The following FBXL17 variants were observed in gnomAD, a reference collection of about 807,000 sequenced individuals.
The protein encoded by FBXL17 is F-box/LRR-repeat protein 17.
Under a neutral mutation model 66.2 loss-of-function variants are expected in FBXL17, and 22 were observed. The observed-to-expected ratio is 0.33, with a 90% CI of 0.24 to 0.47. FBXL17 has a LOEUF of 0.47. FBXL17 is among the 20% of genes least tolerant of loss of function. The pLI, the probability that FBXL17 is intolerant of heterozygous loss-of-function variation, is 1.00. For missense variants in FBXL17, 878 were observed against 948.2 expected, an observed-to-expected ratio of 0.93 and a Z score of 0.97; for synonymous variants, 474 against 400.5, an observed-to-expected ratio of 1.18 and a Z score of -2.19.
Position 107,878,925 on chromosome 5 carries a change from G to A in FBXL17, c.1965+2112C>T, listed in dbSNP as rs961634861. The A allele has an allele frequency of 8.2e-5, 81 of 985,478 alleles. No individual in the cohort carries two copies. The African/African-American group carries it at 1.4e-3, about 17-fold the overall frequency. 61.0% of individuals were successfully genotyped at this position (985,478 alleles called of 1,614,324 possible). ...TCGTGCTGGAGCCAATGGGTTCTCAGAGTGGCTCTCTGGTTAGAGAAAGGA... is the reference window on the plus strand; with the variant it reads ...TCGTGCTGGAGCCAATGGGTTCTCAAAGTGGCTCTCTGGTTAGAGAAAGGA... On this transcript the variant is annotated intron_variant, in intron 8 of 8. Transcript: ENST00000542267.
At chr5:108,302,086 C>CCAAT (rs896897463) in intron 4 of FBXL17, 2 of 947,724 alleles carry the variant, frequency 2.1e-6, no homozygotes, top group Non-Finnish European at 2.5e-6. Flanking sequence ...CAAATGTGGA[C>CCAAT]CAATCAATAA....
intron 7 of FBXL17, among the ~76,000 whole-genome samples, chr5:107,901,146 TA>T (rs1309714589): frequency 6.6e-6 from 1 of 152,208 alleles, no homozygotes; most frequent in Non-Finnish European, 1.5e-5. Context: ...TAAATTTTCT[TA>T]ACCTGGATAA....
chr5:108,046,054 C>T (rs1375017884), intron 6 of FBXL17, among the ~76,000 whole-genome samples: 1 of 152,138 alleles, frequency 6.6e-6, no homozygotes, highest in Admixed American at 6.5e-5. Context: ...GAGAGGAGTG[C>T]TGATGTCTCC....
At chr5:108,104,310 T>C (rs1427101933) in intron 6 of FBXL17, among the ~76,000 whole-genome samples, 1 of 152,238 alleles carries the variant, frequency 6.6e-6, no homozygotes, top group African/African-American at 2.4e-5. Context: ...GTGCTGGGAT[T>C]ACAGGCATGA....
At chr5:108,238,256 G>C (rs768819474) in intron 4 of FBXL17, among the ~76,000 whole-genome samples, 6 of 152,086 alleles carry the variant, frequency 3.9e-5, no homozygotes, top group Non-Finnish European at 8.8e-5. Context: ...TTCATATCTA[G>C]TAAATTTTTA....
chr5:108,381,139 A>T lies in FBXL17; in HGVS notation c.553T>A (p.Ser185Thr). The stretch of plus-strand genomic sequence containing the variant: ...GGGGGCGTAGGGAGCTCGGCCGGTG[A>T]CGGTGTCGGCCCCCGGAAGAGCTGC... ...AVQLFRGPTP[S>T]PAELPTPPEM... The change falls in exon 1 of 9, where the codon TCA (serine) becomes ACA (threonine). Residue 185 changes from serine (S) to threonine (T), a missense_variant. Ser to Thr is a moderately conservative substitution (Grantham distance 58). Around this residue, in one of 4 missense-constraint regions of FBXL17, gnomAD observed 605 missense variants for 509.5 expected, o/e 1.19. Transcript: ENST00000542267. The T allele has an allele frequency of 7.2e-7, 1 of 1,383,298 alleles. No individual in the cohort carries two copies. The highest frequency in any genetic ancestry group is 2.0e-4 in the Middle Eastern group (1 of 4,898). The allele number at this position is 1,383,298 out of a possible 1,614,324, so 85.7% of individuals were successfully genotyped here.
intron 7 of FBXL17, among the ~76,000 whole-genome samples, chr5:107,983,187 G>A (rs770143226): frequency 2.0e-5 from 3 of 152,030 alleles, no homozygotes; most frequent in Non-Finnish European, 4.4e-5. Flanking sequence ...AAACCTGACT[G>A]CCCAGTGTCT....
chr5:108,290,090 C>T (rs1580753468), intron 4 of FBXL17, among the ~76,000 whole-genome samples: 1 of 152,150 alleles, frequency 6.6e-6, no homozygotes, highest in East Asian at 1.9e-4. Flanking sequence ...TCTTAAGACA[C>T]ATTTTCATGT....
intron 6 of FBXL17, among the ~76,000 whole-genome samples, chr5:108,086,690 CTG>C (rs1748984112): frequency 6.6e-6 from 1 of 152,114 alleles, no homozygotes; most frequent in African/African-American, 2.4e-5. Context: ...TTCCAAGAAG[CTG>C]TGATTACAGG....
At chr5:108,361,726 C>A (rs1193199854) in intron 3 of FBXL17, among the ~76,000 whole-genome samples, 6 of 152,140 alleles carry the variant, frequency 3.9e-5, no homozygotes. Flanking sequence ...TGTGTTCAAT[C>A]AATGCCCACT....
intron 6 of FBXL17, among the ~76,000 whole-genome samples, chr5:108,123,770 C>A (rs950603605): frequency 6.6e-6 from 1 of 152,102 alleles, no homozygotes. Context: ...AATATGAGAT[C>A]TCCTAGATTC....
intron 6 of FBXL17, among the ~76,000 whole-genome samples, chr5:108,115,113 G>C (rs1307716977): frequency 6.6e-6 from 1 of 152,102 alleles, no homozygotes; most frequent in African/African-American, 2.4e-5. Context: ...TGATTATTAG[G>C]AAATATAGGA....
At chr5:108,091,012 G>A (rs894043750) in intron 6 of FBXL17, among the ~76,000 whole-genome samples, 2 of 152,142 alleles carry the variant, frequency 1.3e-5, no homozygotes, top group Non-Finnish European at 2.9e-5. Context: ...CCTCTGTTGG[G>A]TGTGCGTGGG....
At chr5:107,910,515 T>C (rs1343232624) in intron 7 of FBXL17, among the ~76,000 whole-genome samples, 1 of 152,024 alleles carries the variant, frequency 6.6e-6, no homozygotes, top group African/African-American at 2.4e-5. Context: ...AGTTAAGAGA[T>C]GCCTCAAACA....
intron 6 of FBXL17, among the ~76,000 whole-genome samples, chr5:108,031,286 T>C (rs1260555564): frequency 6.6e-6 from 1 of 152,102 alleles, no homozygotes; most frequent in African/African-American, 2.4e-5. Flanking sequence ...TGTATTCGAT[T>C]AGAAATTCAT....
chr5:108,056,560 C>T (rs1314176807), intron 6 of FBXL17, among the ~76,000 whole-genome samples: 1 of 152,102 alleles, frequency 6.6e-6, no homozygotes, highest in African/African-American at 2.4e-5. Context: ...AAGTAGTCAA[C>T]CCTAATATAT....
At position 107,869,349 on chromosome 5, in the gene FBXL17, C is replaced by T. The variant is rs1454896976; in HGVS notation, c.1966-7489G>A. On this transcript the variant is annotated intron_variant, in intron 8 of 8. Coordinates refer to ENST00000542267, the MANE Select transcript of FBXL17 (RefSeq NM_001163315.3). ...AGGTGCCAGCAAAAGTCATCGTGAACAATGCATATTCAAACGGACCTTAAT... is the reference window on the plus strand; with the variant it reads ...AGGTGCCAGCAAAAGTCATCGTGAATAATGCATATTCAAACGGACCTTAAT... Among the ~76,000 whole-genome samples the T allele has an allele frequency of 5.3e-5, 8 of 152,252 alleles. No homozygotes were observed. The East Asian group carries it at 1.5e-3, about 29-fold the overall frequency.
At chr5:107,901,499 G>T (rs1749566256) in intron 7 of FBXL17, among the ~76,000 whole-genome samples, 1 of 152,146 alleles carries the variant, frequency 6.6e-6, no homozygotes, top group South Asian at 2.1e-4. Context: ...CTACTGAAGA[G>T]ATCGTTACTA....
chr5:108,319,200 G>A (rs935965086), intron 4 of FBXL17, among the ~76,000 whole-genome samples: 1 of 151,832 alleles, frequency 6.6e-6, no homozygotes, highest in South Asian at 2.1e-4. Context: ...TCTTGAAACT[G>A]ATCATTCCAG....
Sources: gnomAD v4.1 joint callset for allele counts (sites outside exome capture counted in the v4.1 genomes callset) on GRCh38, gnomAD v4.1.1 for gene constraint, gnomAD v4.1.1 regional missense constraint, MANE v1.5 for transcripts, NCBI Gene and HGNC (gene_info 2026-07-23, HGNC 2026-07-21) for gene names.